CNTNAP5: variants seen among roughly 807,000 people sequenced by gnomAD.
The protein encoded by CNTNAP5 is contactin-associated protein-like 5.
CNTNAP5 carries 72 observed loss-of-function variants against 150.2 expected under a neutral mutation model. That is an observed-to-expected ratio of 0.48 (90% CI 0.40 to 0.58). The LOEUF (loss-of-function observed/expected upper bound fraction) is 0.58, where lower values mean the gene tolerates loss of function less well. CNTNAP5 is among the 20% of genes least tolerant of loss of function. CNTNAP5 has a pLI of 0.00. For synonymous variants in CNTNAP5, 672 were observed against 619.8 expected (o/e 1.08, Z -1.25); for missense variants, 1,636 against 1,626.2 (o/e 1.01, Z -0.10).
Position 124,920,767 on chromosome 2 carries a change from T to C in CNTNAP5, c.*6479T>C, listed in dbSNP as rs914639606. On this transcript the variant is annotated 3_prime_UTR_variant, in exon 24 of 24. Transcript: ENST00000682447. ...GGTTACGGTTTGCTGATTCCTAAGA[T>C]AGAGCATTACAGTGTCTGTTTCAGA... Among the ~76,000 whole-genome samples, 2 of 152,136 alleles carry C rather than the reference T, an allele frequency of 1.3e-5. No individual in the cohort carries two copies. The highest frequency in any genetic ancestry group is 2.9e-5 in the Non-Finnish European group (2 of 68,010).
intron 14 of CNTNAP5, among the ~76,000 whole-genome samples, chr2:124,760,860 T>A (rs2105161314): frequency 6.6e-6 from 1 of 152,286 alleles, no homozygotes; most frequent in Non-Finnish European, 1.5e-5. Flanking sequence ...TTATTCCCTT[T>A]GATTAATACA....
rs576624260 is a variant in CNTNAP5, at chr2:124,142,424, A to G, written c.83-79281A>G. 1.1e-4 allele frequency among the ~76,000 whole-genome samples: 16 copies of G among 152,106 alleles called. No individual in the cohort carries two copies. In the East Asian group the frequency reaches 3.1e-3, roughly 29 times the overall value. ...TCCTCAGCAAATCTAAAGAACAGAA[A>G]TTATAACAAACTATCTCTCAGACCA... On this transcript the variant is annotated intron_variant, in intron 1 of 23. Coordinates refer to ENST00000682447, the MANE Select transcript of CNTNAP5 (RefSeq NM_001367498.1).
chr2:124,388,004 G>C (rs1690974261), intron 3 of CNTNAP5, among the ~76,000 whole-genome samples: 1 of 152,156 alleles, frequency 6.6e-6, no homozygotes, highest in African/African-American at 2.4e-5. Context: ...CTAAAGGGGT[G>C]ACATTTCAAA....
intron 1 of CNTNAP5, among the ~76,000 whole-genome samples, chr2:124,056,820 C>A (rs944330909): frequency 3.3e-5 from 5 of 152,176 alleles, no homozygotes; most frequent in African/African-American, 1.2e-4. Context: ...ATGGGCCAGT[C>A]CACTTTTCTT....
intron 1 of CNTNAP5, among the ~76,000 whole-genome samples, chr2:124,080,584 A>C (rs991458035): frequency 2.0e-5 from 3 of 152,188 alleles, no homozygotes; most frequent in African/African-American, 7.2e-5. Context: ...AACACTGAAA[A>C]TCATTTCCAA....
chr2:124,845,438 ATT>A (rs201596844), intron 19 of CNTNAP5, among the ~76,000 whole-genome samples: 24 of 131,236 alleles, frequency 1.8e-4, no homozygotes, highest in Middle Eastern at 4.2e-3. Context: ...GGTCTGTAGT[ATT>A]TTTTTTTTTT....
At chr2:124,413,257 A>G (rs2104772337) in intron 3 of CNTNAP5, among the ~76,000 whole-genome samples, 1 of 150,928 alleles carries the variant, frequency 6.6e-6, no homozygotes, top group East Asian at 1.9e-4. Flanking sequence ...ATGTGGAGAA[A>G]TAGCAACACT....
chr2:124,895,368 G>T (rs1259393191), intron 21 of CNTNAP5, among the ~76,000 whole-genome samples: 5 of 151,498 alleles, frequency 3.3e-5, no homozygotes, highest in African/African-American at 1.2e-4. Context: ...GCTCACATCT[G>T]TAATCCCAGC....
intron 3 of CNTNAP5, among the ~76,000 whole-genome samples, chr2:124,402,240 C>T (rs1691443042): frequency 6.6e-6 from 1 of 152,110 alleles, no homozygotes. Flanking sequence ...GTCAAGTTGA[C>T]CACTGGTGGC....
At chr2:124,837,236 CAG>C (rs1215141385) in intron 19 of CNTNAP5, among the ~76,000 whole-genome samples, 1 of 151,094 alleles carries the variant, frequency 6.6e-6, no homozygotes, top group African/African-American at 2.4e-5. Flanking sequence ...TCAAAACACT[CAG>C]GGAAAATTCC....
chr2:124,707,961 C>T (rs1679728056), intron 13 of CNTNAP5, among the ~76,000 whole-genome samples: 1 of 152,130 alleles, frequency 6.6e-6, no homozygotes, highest in Non-Finnish European at 1.5e-5. Context: ...AAATCACTAT[C>T]AATGATGTAA....
intron 11 of CNTNAP5, among the ~76,000 whole-genome samples, chr2:124,566,026 T>A (rs1418866608): frequency 6.8e-6 from 1 of 147,592 alleles, no homozygotes; most frequent in Non-Finnish European, 1.5e-5. Context: ...TAAAATTATG[T>A]GTTTTTATCT....
chr2:124,682,187 A>C (rs1390754849), intron 13 of CNTNAP5, among the ~76,000 whole-genome samples: 2 of 152,168 alleles, frequency 1.3e-5, no homozygotes, highest in Non-Finnish European at 2.9e-5. Flanking sequence ...GATTCCCAGG[A>C]GCATGTAGGA....
chr2:124,677,656 G>A (rs556999628), intron 13 of CNTNAP5, among the ~76,000 whole-genome samples: 3 of 149,940 alleles, frequency 2.0e-5, no homozygotes, highest in East Asian at 1.9e-4. Context: ...TGATTGGTGC[G>A]TTTTTAGAGT....
intron 13 of CNTNAP5, among the ~76,000 whole-genome samples, chr2:124,738,237 T>C (rs1680427643): frequency 6.6e-6 from 1 of 152,190 alleles, no homozygotes; most frequent in Non-Finnish European, 1.5e-5. Flanking sequence ...TTGAGAGTCC[T>C]CCCTCTTTCT....
Position 124,798,214 on chromosome 2 carries a change from C to T in CNTNAP5, c.3111C>T (p.Ser1037=). Residue 1037 remains serine, a synonymous_variant, in exon 19 of 24, where the codon TCC becomes TCT. Coordinates refer to ENST00000682447, the MANE Select transcript of CNTNAP5 (RefSeq NM_001367498.1). ...SSAIYTDSAP[S]KENIALSFVT... is the part of the protein sequence containing the mutation. ...CTATTTACACAGATTCAGCTCCATC[C>T]AAGGAAAACATTGCACTTAGCTTTG... The T allele has an allele frequency of 6.2e-7, 1 of 1,613,856 alleles. No homozygotes were observed. The highest frequency in any genetic ancestry group is 8.5e-7 in the Non-Finnish European group (1 of 1,179,758).
rs1179902370 is a variant in CNTNAP5, at chr2:124,434,428, C to T, written c.530-56C>T. On this transcript the variant is annotated intron_variant, in intron 4 of 23. Coordinates refer to ENST00000682447, the MANE Select transcript of CNTNAP5 (RefSeq NM_001367498.1). ...CATGAAATAAGATGGGAAACAGTAACAGCAGTCATGAGAATATGCACTAAT... is the reference window on the plus strand; with the variant it reads ...CATGAAATAAGATGGGAAACAGTAATAGCAGTCATGAGAATATGCACTAAT... 4 of 1,260,744 alleles carry T rather than the reference C, an allele frequency of 3.2e-6. No individual in the cohort carries two copies. The Admixed American group carries it at 5.1e-5, about 16-fold the overall frequency. 78.1% of individuals were successfully genotyped at this position (1,260,744 alleles called of 1,614,324 possible).
chr2:124,794,088 A>G (rs1041895106), intron 18 of CNTNAP5, among the ~76,000 whole-genome samples: 2 of 152,178 alleles, frequency 1.3e-5, no homozygotes, highest in Admixed American at 6.5e-5. Flanking sequence ...AAGCATTTCT[A>G]TGTAAGTCAC....
At chr2:124,432,358 C>T (rs72966667) in intron 4 of CNTNAP5, among the ~76,000 whole-genome samples, 1,799 of 152,272 alleles carry the variant, frequency 0.012, 28 homozygotes, top group African/African-American at 0.039. Context: ...AACATTCTCA[C>T]GCCTCTGTTA....
Sources: allele counts gnomAD v4.1 joint callset (sites outside exome capture counted in the v4.1 genomes callset), GRCh38; gene constraint gnomAD v4.1.1; transcripts MANE v1.5; gene names NCBI Gene and HGNC (gene_info 2026-07-23, HGNC 2026-07-21).